Variants in SLC25A51 observed in about 807,000 individuals in gnomAD.
The protein encoded by SLC25A51 is mitochondrial nicotinamide adenine dinucleotide transporter SLC25A51.
Under a neutral mutation model 19.1 loss-of-function variants are expected in SLC25A51, and 11 were observed. The ratio of observed to expected loss-of-function variants is 0.58; its 90% CI spans 0.36 to 0.96. The LOEUF (loss-of-function observed/expected upper bound fraction) is 0.96, where lower values mean the gene tolerates loss of function less well. Ranked by LOEUF, SLC25A51 falls within the 40% of genes least tolerant of loss-of-function variation. The pLI is 0.01. For synonymous variants in SLC25A51, 105 were observed against 133.6 expected (o/e 0.79, Z 1.47); for missense variants, 201 against 365.4 (o/e 0.55, Z 3.67).
At chr9:37,898,864 G>A (rs58715942) in intron 2 of SLC25A51, among the ~76,000 whole-genome samples, 7,808 of 152,112 alleles carry the variant, frequency 0.051, 517 homozygotes, top group African/African-American at 0.15. Context: ...CCTTCCCACC[G>A]CCAATAACTC....
chr9:37,888,344 T>C lies in SLC25A51; in HGVS notation c.207A>G (p.Ile69Met). Reference protein sequence around the residue: ...QLYGIKTRDAILQLRRDGFRN... With the variant: ...QLYGIKTRDAMLQLRRDGFRN... ...GAAATCCATCCCTTCTCAACTGAAG[T>C]ATTGCATCCCGGGTTTTGATGCCAT... is the stretch of plus-strand genomic sequence containing the variant. The change falls in exon 3 of 3, where the codon ATA (isoleucine) becomes ATG (methionine). Residue 69 changes from isoleucine (I) to methionine (M), a missense_variant. Physicochemically the swap from Ile to Met is conservative, Grantham distance 10 (BLOSUM62 1). Coordinates refer to ENST00000242275, the MANE Select transcript of SLC25A51 (RefSeq NM_033412.4). 1 of 1,614,242 alleles carries C rather than the reference T, an allele frequency of 6.2e-7. No individual in the cohort carries two copies. The highest frequency in any genetic ancestry group is 8.5e-7 in the Non-Finnish European group (1 of 1,180,048).
intron 1 of SLC25A51, among the ~76,000 whole-genome samples, chr9:37,900,171 G>C (rs1433812171): frequency 2.6e-5 from 4 of 151,504 alleles, no homozygotes; most frequent in Non-Finnish European, 5.9e-5. Context: ...TCTTGGCCAG[G>C]TGTGGTGGCT....
intron 1 of SLC25A51, among the ~76,000 whole-genome samples, chr9:37,901,767 G>A (rs989806830): frequency 1.8e-4 from 27 of 152,280 alleles, no homozygotes; most frequent in Middle Eastern, 3.4e-3. Context: ...TTAACTTCAA[G>A]ATATGTTCTA....
In SLC25A51 at chr9:37,887,643, A is replaced by C. The variant is rs769192015; in HGVS notation, c.*14T>G. On this transcript the variant is annotated 3_prime_UTR_variant, in exon 3 of 3. Coordinates refer to ENST00000242275, the MANE Select transcript of SLC25A51 (RefSeq NM_033412.4). ...TCTATTCAGTTGATAAATGGCACTT[A>C]ACTGATGGTTTTTTCATATAACCTT... is the stretch of plus-strand genomic sequence containing the variant. The C allele has an allele frequency of 1.0e-5, 16 of 1,600,964 alleles. No individual in the cohort carries two copies. The highest frequency in any genetic ancestry group is 1.4e-5 in the Non-Finnish European group (16 of 1,174,368).
downstream of SLC25A51, among the ~76,000 whole-genome samples, chr9:37,886,797 G>A (rs1422151322): frequency 1.3e-5 from 2 of 152,176 alleles, no homozygotes; most frequent in Admixed American, 6.5e-5. Context: ...CTGGGGTATA[G>A]AACGCTAAGA....
chr9:37,886,446 C>T (rs564685246), downstream of SLC25A51: 11 of 1,513,520 alleles, frequency 7.3e-6, no homozygotes, highest in East Asian at 2.3e-4. Flanking sequence ...TTTCCATAAC[C>T]ACAAGCCTGA....
At chr9:37,885,866 G>A, downstream of SLC25A51, 1 of 1,597,094 alleles carries the variant, frequency 6.3e-7, no homozygotes, top group Non-Finnish European at 8.6e-7. Context: ...TAGTGTTCCT[G>A]ATGACGTGCA....
intron 2 of SLC25A51, among the ~76,000 whole-genome samples, chr9:37,891,867 T>TAAAA (rs1433350918): frequency 0.011 from 1,400 of 132,750 alleles, 19 homozygotes; most frequent in East Asian, 0.056. Flanking sequence ...AAAAAAAAAT[T>TAAAA]TTATATATAT....
At chr9:37,892,986 C>T (rs552915731) in intron 2 of SLC25A51, among the ~76,000 whole-genome samples, 35 of 152,132 alleles carry the variant, frequency 2.3e-4, no homozygotes, top group Non-Finnish European at 4.6e-4. Context: ...GTGATCCGCC[C>T]GCCTTGGCCT....
intron 2 of SLC25A51, among the ~76,000 whole-genome samples, chr9:37,894,306 C>A (rs1005062855): frequency 3.9e-4 from 59 of 151,960 alleles, no homozygotes; most frequent in African/African-American, 1.4e-3. Flanking sequence ...ATTAAACCTG[C>A]CCCCACTCAC....
Position 37,888,597 on chromosome 9 carries a change from A to G in SLC25A51, c.-42-5T>C. 6.5e-7 allele frequency: 1 copy of G among 1,546,880 alleles called. No individual in the cohort carries two copies. The highest frequency in any genetic ancestry group is 2.2e-5 in the East Asian group (1 of 44,504). The stretch of plus-strand genomic sequence containing the variant: ...TCATGAAGGACTTTTTTTAACCTAC[A>G]AATAATAAATGACAACGGGTAAACC... On this transcript the variant is annotated splice_polypyrimidine_tract_variant and splice_region_variant and intron_variant, in intron 2 of 2. Transcript: ENST00000242275.
At chr9:37,890,366 AG>A (rs1161057029) in intron 2 of SLC25A51, among the ~76,000 whole-genome samples, 1 of 152,232 alleles carries the variant, frequency 6.6e-6, no homozygotes, top group African/African-American at 2.4e-5. Context: ...CCTGGGCAAC[AG>A]AGCAAGACTC....
intron 2 of SLC25A51, among the ~76,000 whole-genome samples, chr9:37,888,955 A>G (rs1245104825): frequency 1.3e-5 from 2 of 152,234 alleles, no homozygotes; most frequent in Admixed American, 6.5e-5. Context: ...CATTAGAAAA[A>G]AATGGGAGGC....
chr9:37,900,133 C>T (rs992767003), intron 1 of SLC25A51, among the ~76,000 whole-genome samples, 183 bp from the exon 2 acceptor site: 24 of 150,914 alleles, frequency 1.6e-4, no homozygotes, highest in African/African-American at 4.4e-4. Context: ...CCACTGCTCC[C>T]AGCCTATTTT....
At position 37,888,011 on chromosome 9, in the gene SLC25A51, A is replaced by T; in HGVS notation, c.540T>A (p.Leu180=). The change falls in exon 3 of 3, where the codon CTT becomes CTA. Residue 180 remains leucine, a synonymous_variant. Coordinates refer to ENST00000242275, the MANE Select transcript of SLC25A51 (RefSeq NM_033412.4). ...AGACATTGCTGAGTCCATTCCGGAA[A>T]AGAATGGGCACCAAGCCTCGATAAT... ...GEYYRGLVPI[L]FRNGLSNVLF... 1 of 1,612,428 alleles carries T rather than the reference A, an allele frequency of 6.2e-7. No individual in the cohort carries two copies. Among genetic ancestry groups the T allele is most frequent in the Middle Eastern group, 2.1e-4 (1 of 4,740 alleles).
chr9:37,898,334 T>A (rs916071816), intron 2 of SLC25A51, among the ~76,000 whole-genome samples: 10 of 152,126 alleles, frequency 6.6e-5, no homozygotes, highest in Admixed American at 5.2e-4. Context: ...GACGGGTGGA[T>A]CACCTGAGGT....
At position 37,887,941 on chromosome 9, in the gene SLC25A51, C is replaced by T. The variant is rs1345842098; in HGVS notation, c.610G>A (p.Ala204Thr). The change falls in exon 3 of 3, where the codon GCA becomes ACA. Residue 204 changes from alanine to threonine, a missense_variant. Transcript: ENST00000242275. Reference protein sequence around the residue: ...RGPIKEHLPTATTHSAHLVND... With the variant: ...RGPIKEHLPTTTTHSAHLVND... The stretch of plus-strand genomic sequence containing the variant: ...ACCAGATGAGCACTGTGAGTCGTTG[C>T]GGTAGGCAGATGCTCCTTAATGGGA... The T allele has an allele frequency of 5.6e-6, 9 of 1,611,838 alleles. No individual in the cohort carries two copies. The highest frequency in any genetic ancestry group is 2.7e-5 in the African/African-American group (2 of 74,842).
downstream of SLC25A51, among the ~76,000 whole-genome samples, chr9:37,884,537 CTT>C (rs1831409127): frequency 6.6e-6 from 1 of 152,130 alleles, no homozygotes; most frequent in Non-Finnish European, 1.5e-5. Flanking sequence ...TTTCCCCTCT[CTT>C]TAACATTTAG....
chr9:37,888,461 C>T lies in SLC25A51; in HGVS notation c.90G>A (p.Glu30=). The change falls in exon 3 of 3, where the codon GAG becomes GAA. Residue 30 remains glutamate (E), a synonymous_variant. Coordinates refer to ENST00000242275, the MANE Select transcript of SLC25A51 (RefSeq NM_033412.4). ...AGCAGCCACACAAGTAATGCTTCAT[C>T]TCACCAACATTTGTAATATGAGGTG... ...DISPHITNVG[E]MKHYLCGCCA... is the part of the protein sequence containing the mutation. The T allele has an allele frequency of 6.2e-7, 1 of 1,614,274 alleles. No homozygotes were observed. Among genetic ancestry groups the T allele is most frequent in the Non-Finnish European group, 8.5e-7 (1 of 1,180,040 alleles).
Sources: allele counts gnomAD v4.1 joint callset (sites outside exome capture counted in the v4.1 genomes callset), GRCh38; gene constraint gnomAD v4.1.1; transcripts MANE v1.5; gene names NCBI Gene and HGNC (gene_info 2026-07-23, HGNC 2026-07-21).